CDKN2B-AS1: variants seen among roughly 807,000 people sequenced by gnomAD.
CDKN2B-AS1 encodes the protein CDKN2B antisense RNA 1 (non-protein coding).
chr9:21,998,398 A>C (rs1167359360), intron 1 of CDKN2B-AS1, among the ~76,000 whole-genome samples: 2 of 152,246 alleles, frequency 1.3e-5, no homozygotes, highest in Non-Finnish European at 2.9e-5. Context: ...TTACAGGTGG[A>C]AAGAATGAGG....
At chr9:22,078,302 G>T (rs1396136164) in intron 4 of CDKN2B-AS1, among the ~76,000 whole-genome samples, 3 of 151,136 alleles carry the variant, frequency 2.0e-5, no homozygotes, top group African/African-American at 7.3e-5. Flanking sequence ...ACTGTTACTT[G>T]ACTCGTATCA....
chr9:22,003,494 A>G (rs1179451818), intron 1 of CDKN2B-AS1: 1 of 228,754 alleles, frequency 4.4e-6, no homozygotes, highest in Non-Finnish European at 8.7e-6. Context: ...AACATCTTGG[A>G]ATTTAAGATA....
At chr9:22,111,688 G>C (rs1015160288) in intron 4 of CDKN2B-AS1, among the ~76,000 whole-genome samples, 1 of 151,814 alleles carries the variant, frequency 6.6e-6, no homozygotes, top group Non-Finnish European at 1.5e-5. Flanking sequence ...AATCTCTTTC[G>C]CAATACCTAA....
chr9:22,103,472 G>A (rs563147929), intron 4 of CDKN2B-AS1, among the ~76,000 whole-genome samples: 6 of 152,184 alleles, frequency 3.9e-5, no homozygotes, highest in Non-Finnish European at 7.4e-5. Context: ...ATCAAGCTTC[G>A]AAGTTGCTGC....
At chr9:22,004,180 T>G in intron 1 of CDKN2B-AS1, 1 of 232,448 alleles carries the variant, frequency 4.3e-6, no homozygotes, top group Non-Finnish European at 8.5e-6. Context: ...CCCAATAACA[T>G]ATGCTCTGAT....
At chr9:22,014,114 T>C (rs528530586) in intron 1 of CDKN2B-AS1, among the ~76,000 whole-genome samples, 1 of 152,194 alleles carries the variant, frequency 6.6e-6, no homozygotes, top group Non-Finnish European at 1.5e-5. Flanking sequence ...GATATTCTAA[T>C]TTTACTATTC....
intron 4 of CDKN2B-AS1, among the ~76,000 whole-genome samples, chr9:22,097,008 C>G (rs190758323): frequency 9.8e-5 from 15 of 152,304 alleles, no homozygotes; most frequent in Non-Finnish European, 7.3e-5. Flanking sequence ...AAAACCAGCT[C>G]AGGCTCCCAC....
chr9:22,053,112 C>A (rs894053082), intron 3 of CDKN2B-AS1, among the ~76,000 whole-genome samples: 6 of 152,212 alleles, frequency 3.9e-5, no homozygotes, highest in African/African-American at 1.4e-4. Flanking sequence ...AGTTTTCTAG[C>A]TCTGAGTATG....
At chr9:22,053,441 G>A (rs549089369) in intron 3 of CDKN2B-AS1, among the ~76,000 whole-genome samples, 1 of 152,324 alleles carries the variant, frequency 6.6e-6, no homozygotes, top group East Asian at 1.9e-4. Flanking sequence ...GGCCCAGGCT[G>A]TTTTTCAGCA....
At chr9:22,094,109 T>A (rs1274545385) in intron 4 of CDKN2B-AS1, among the ~76,000 whole-genome samples, 1 of 144,464 alleles carries the variant, frequency 6.9e-6, no homozygotes, top group Non-Finnish European at 1.5e-5. Context: ...AATTCTGGGT[T>A]GAAAATTCTT....
intron 4 of CDKN2B-AS1, among the ~76,000 whole-genome samples, chr9:22,106,797 A>G (rs1322903333): frequency 1.3e-5 from 2 of 152,222 alleles, no homozygotes; most frequent in African/African-American, 4.8e-5. Flanking sequence ...AAAGTTACTG[A>G]AAACTAAATA....
At position 22,006,157 on chromosome 9, in the gene CDKN2B-AS1, G is replaced by C. The variant is rs773400600; in HGVS notation, n.29+10996G>C. On this transcript the variant is annotated intron_variant and non_coding_transcript_variant, in intron 1 of 4. Transcript: ENST00000650946. This position sits in a 1 kb window ranked among gnomAD's most constrained non-coding sequence, Gnocchi z 6.4. ...CCCTCCCGGGCAGCATCATGCACCG[G>C]TCGGGTGAGAGTGGCAGGGTCTGCG... is the stretch of plus-strand genomic sequence containing the variant. 4 of 1,611,680 alleles carry C rather than the reference G, an allele frequency of 2.5e-6. No individual in the cohort carries two copies. Among genetic ancestry groups the C allele is most frequent in the South Asian group, 2.2e-5 (2 of 91,052 alleles).
intron 4 of CDKN2B-AS1, among the ~76,000 whole-genome samples, chr9:22,062,919 G>A (rs1823880141): frequency 6.6e-6 from 1 of 151,204 alleles, no homozygotes; most frequent in African/African-American, 2.4e-5. Context: ...CAAACAAGTA[G>A]GTGGTGATGC....
chr9:22,037,919 C>T (rs993474518), intron 1 of CDKN2B-AS1, among the ~76,000 whole-genome samples: 2 of 151,672 alleles, frequency 1.3e-5, no homozygotes, highest in African/African-American at 4.8e-5. Context: ...AATGAATATC[C>T]TAGAGAATAA....
Position 22,005,458 on chromosome 9 carries a change from C to T in CDKN2B-AS1, n.29+10297C>T, listed in dbSNP as rs1459441589. The T allele has an allele frequency of 4.0e-6, 1 of 251,938 alleles. No individual in the cohort carries two copies. Among genetic ancestry groups the T allele is most frequent in the East Asian group, 5.7e-5 (1 of 17,582 alleles). The allele number at this position is 251,938 out of a possible 1,614,324, so 15.6% of individuals were successfully genotyped here. A position where few individuals can be genotyped will look rare whatever the true frequency, so the allele number is the denominator to read the frequency against. ...GCGCCGCCGGGGACTTACTGAAGCCCACCTCGGCCCTCCTCCACTTTGTCC... is the reference window on the plus strand; with the variant it reads ...GCGCCGCCGGGGACTTACTGAAGCCTACCTCGGCCCTCCTCCACTTTGTCC... On this transcript the variant is annotated intron_variant and non_coding_transcript_variant, in intron 1 of 4. Transcript: ENST00000650946. The surrounding 1 kb of genome is among the most constrained non-coding windows in gnomAD (Gnocchi z 4.9).
chr9:21,998,787 A>G (rs927780747), intron 1 of CDKN2B-AS1, among the ~76,000 whole-genome samples: 11 of 152,198 alleles, frequency 7.2e-5, no homozygotes, highest in Admixed American at 6.5e-4. Context: ...CCCTTAGGTA[A>G]CTCTTGATTA....
chr9:22,123,906 T>C (rs193036976), intron 4 of CDKN2B-AS1, among the ~76,000 whole-genome samples: 1 of 152,286 alleles, frequency 6.6e-6, no homozygotes, highest in African/African-American at 2.4e-5. Context: ...TTGTTCTCTA[T>C]AGATAGATGT....
intron 1 of CDKN2B-AS1, among the ~76,000 whole-genome samples, chr9:22,045,521 A>G (rs923119624): frequency 6.6e-6 from 1 of 152,108 alleles, no homozygotes; most frequent in African/African-American, 2.4e-5. Flanking sequence ...ATGTACAAAT[A>G]GTTTAGCTTC....
chr9:22,002,132 T>C (rs1041401226), intron 1 of CDKN2B-AS1, among the ~76,000 whole-genome samples: 1 of 152,086 alleles, frequency 6.6e-6, no homozygotes, highest in Admixed American at 6.5e-5. Context: ...TTTCATCAAA[T>C]AACTAGACAG....
Sources: gnomAD v4.1 joint callset for allele counts (sites outside exome capture counted in the v4.1 genomes callset) on GRCh38, gnomAD v4.1.1 for gene constraint, Gnocchi (gnomAD v3.1) non-coding constraint, MANE v1.5 for transcripts, NCBI Gene and HGNC (gene_info 2026-07-23, HGNC 2026-07-21) for gene names.